The following KCNN2 variants were observed in gnomAD, a reference collection of about 807,000 sequenced individuals.
KCNN2 encodes the protein small conductance calcium-activated potassium channel protein 2.
KCNN2 carries 24 observed loss-of-function variants against 55.5 expected under a neutral mutation model. The ratio of observed to expected loss-of-function variants is 0.43; its 90% CI spans 0.31 to 0.61. KCNN2 has a LOEUF of 0.61. KCNN2 is among the 20% of genes least tolerant of loss of function. KCNN2 has a pLI of 0.08. For synonymous variants in KCNN2, 431 were observed against 336.1 expected (o/e 1.28, Z -3.09); for missense variants, 754 against 853.6 (o/e 0.88, Z 1.45).
chr5:114,213,917 G>A (rs901952422), intron 1 of KCNN2, among the ~76,000 whole-genome samples: 10 of 152,008 alleles, frequency 6.6e-5, no homozygotes, highest in African/African-American at 2.4e-4. Flanking sequence ...CGAATAGATA[G>A]CTTCAAATGA....
At chr5:114,484,401 C>T (rs115281149) in intron 5 of KCNN2, among the ~76,000 whole-genome samples, 4,771 of 152,214 alleles carry the variant, frequency 0.031, 81 homozygotes, top group Middle Eastern at 0.037. Context: ...ACACTAAAAG[C>T]CCAGGCTTCA....
intron 2 of KCNN2, among the ~76,000 whole-genome samples, chr5:114,273,423 T>A (rs114190438): frequency 0.9 from 136,805 of 152,168 alleles, 61,876 homozygotes; most frequent in East Asian, 0.94. Flanking sequence ...TAGTTCTAAA[T>A]CCTTGAGGAA....
chr5:114,259,206 C>T (rs1755048847), intron 2 of KCNN2, among the ~76,000 whole-genome samples: 1 of 152,204 alleles, frequency 6.6e-6, no homozygotes, highest in African/African-American at 2.4e-5. Context: ...GGTTTCCTTT[C>T]TCCCAACAGG....
At chr5:114,292,244 T>A (rs551424157) in intron 2 of KCNN2, among the ~76,000 whole-genome samples, 1 of 152,354 alleles carries the variant, frequency 6.6e-6, no homozygotes, top group South Asian at 2.1e-4. Flanking sequence ...GCTTTTCGTG[T>A]TTTAGACATG....
intron 2 of KCNN2, among the ~76,000 whole-genome samples, chr5:114,308,798 T>A (rs1315070426): frequency 6.6e-6 from 1 of 152,294 alleles, no homozygotes; most frequent in Admixed American, 6.5e-5. Flanking sequence ...TAGGACTAAA[T>A]GAAAAATTTA....
chr5:114,411,535 C>T (rs1759133983), intron 3 of KCNN2, among the ~76,000 whole-genome samples: 1 of 152,072 alleles, frequency 6.6e-6, no homozygotes, highest in African/African-American at 2.4e-5. Flanking sequence ...AAGCTGAAGG[C>T]CTGTGAATCC....
intron 1 of KCNN2, among the ~76,000 whole-genome samples, chr5:114,096,610 G>C (rs1561473824): frequency 1.3e-5 from 2 of 152,170 alleles, no homozygotes; most frequent in East Asian, 3.9e-4. Flanking sequence ...ACAGATGTGG[G>C]AAATCTCACT....
chr5:114,097,595 T>G (rs1206801544), intron 1 of KCNN2, among the ~76,000 whole-genome samples: 2 of 152,194 alleles, frequency 1.3e-5, no homozygotes, highest in African/African-American at 4.8e-5. Context: ...CTGCCGCTAT[T>G]GAAGGTAGCA....
At chr5:114,368,814 T>C (rs1395925256) in intron 2 of KCNN2, among the ~76,000 whole-genome samples, 1 of 152,112 alleles carries the variant, frequency 6.6e-6, no homozygotes, top group African/African-American at 2.4e-5. Context: ...ATACCTTGCT[T>C]ATATTCTGTA....
chr5:114,117,641 G>A (rs1751731937), intron 1 of KCNN2, among the ~76,000 whole-genome samples: 1 of 152,176 alleles, frequency 6.6e-6, no homozygotes, highest in Admixed American at 6.5e-5. Context: ...AATAAGATTT[G>A]ACCTATTTAG....
chr5:114,449,969 T>G (rs1760600005), intron 3 of KCNN2, among the ~76,000 whole-genome samples: 2 of 151,928 alleles, frequency 1.3e-5, no homozygotes, highest in Admixed American at 6.5e-5. Flanking sequence ...GAATGGGGGC[T>G]TTCCCTGCAG....
At chr5:114,424,900 C>A (rs935017862) in intron 3 of KCNN2, among the ~76,000 whole-genome samples, 12 of 152,036 alleles carry the variant, frequency 7.9e-5, no homozygotes, top group Non-Finnish European at 1.8e-4. Context: ...TGTAGATGCC[C>A]AGATGTTGAA....
chr5:114,459,320 A>C (rs1248655301), intron 3 of KCNN2, among the ~76,000 whole-genome samples: 1 of 152,220 alleles, frequency 6.6e-6, no homozygotes, highest in Non-Finnish European at 1.5e-5. Flanking sequence ...ATGTTGATCA[A>C]AACTTGAAAT....
At chr5:114,320,347 C>T (rs911009715) in intron 2 of KCNN2, among the ~76,000 whole-genome samples, 38 of 152,134 alleles carry the variant, frequency 2.5e-4, no homozygotes, top group African/African-American at 6.8e-4. Context: ...GGTGCTGTGC[C>T]TCACGCCTGT....
intron 2 of KCNN2, among the ~76,000 whole-genome samples, chr5:114,232,938 T>TTTTTTTTTTTTTTA (rs1399367540): frequency 2.6e-5 from 3 of 116,992 alleles, no homozygotes; most frequent in Admixed American, 1.8e-4. Context: ...TTTTTTTTTT[T>TTTTTTTTTTTTTTA]GAGACGGAGT....
intron 3 of KCNN2, among the ~76,000 whole-genome samples, chr5:114,462,606 C>A (rs767127105): frequency 6.6e-6 from 1 of 152,112 alleles, no homozygotes; most frequent in Admixed American, 6.5e-5. Context: ...GTTAGCCCAT[C>A]GTCAGGAAAT....
chr5:114,059,342 A>G (rs1008243507), intron 1 of KCNN2, among the ~76,000 whole-genome samples: 3 of 152,232 alleles, frequency 2.0e-5, no homozygotes, highest in Non-Finnish European at 4.4e-5. Flanking sequence ...TCATACAGCC[A>G]AGTACAAATG....
chr5:114,160,257 A>T (rs559404431), intron 1 of KCNN2, among the ~76,000 whole-genome samples: 1 of 152,132 alleles, frequency 6.6e-6, no homozygotes, highest in South Asian at 2.1e-4. Flanking sequence ...TCATTTCATT[A>T]TGTACGCCAT....
At chr5:114,172,052 A>G (rs1753044022) in intron 1 of KCNN2, among the ~76,000 whole-genome samples, 2 of 152,016 alleles carry the variant, frequency 1.3e-5, no homozygotes, top group African/African-American at 2.4e-5. Flanking sequence ...TAATGCTTCT[A>G]AGCTTGACCA....
Sources: gnomAD v4.1 joint callset for allele counts (sites outside exome capture counted in the v4.1 genomes callset) on GRCh38, gnomAD v4.1.1 for gene constraint, MANE v1.5 for transcripts, NCBI Gene and HGNC (gene_info 2026-07-23, HGNC 2026-07-21) for gene names.